The following LOC128462377 variants were observed in gnomAD, a reference collection of about 807,000 sequenced individuals.
the LOC128462377 span, among the ~76,000 whole-genome samples, chr16:89,389,207 T>C: frequency 6.6e-6 from 1 of 151,930 alleles, no homozygotes; most frequent in African/African-American, 2.4e-5. Context: ...TTACTTTTAG[T>C]AGAGATGAGG....
chr16:89,352,658 CCAA>C, the LOC128462377 span, among the ~76,000 whole-genome samples: 2 of 152,316 alleles, frequency 1.3e-5, no homozygotes, highest in Non-Finnish European at 1.5e-5. Flanking sequence ...CTCATCAGCA[CCAA>C]AGTGTTCTGT....
At chr16:89,339,355 G>GCAAACAAA in the LOC128462377 span, among the ~76,000 whole-genome samples, 84 of 152,142 alleles carry the variant, frequency 5.5e-4, no homozygotes, top group African/African-American at 1.9e-3. Context: ...GCTTACACTA[G>GCAAACAAA]CAAACAAACA....
chr16:89,415,719 T>C, the LOC128462377 span, among the ~76,000 whole-genome samples: 1 of 148,868 alleles, frequency 6.7e-6, no homozygotes, highest in South Asian at 2.1e-4. Flanking sequence ...TCCCAGCTAG[T>C]TGGGAGGCTG....
chr16:89,336,324 G>A, the LOC128462377 span, among the ~76,000 whole-genome samples: 9 of 152,254 alleles, frequency 5.9e-5, no homozygotes, highest in African/African-American at 1.4e-4. Flanking sequence ...GCACGCAACT[G>A]CCCGCACCTC....
At chr16:89,360,999 A>C in the LOC128462377 span, among the ~76,000 whole-genome samples, 1 of 152,066 alleles carries the variant, frequency 6.6e-6, no homozygotes, top group South Asian at 2.1e-4. Context: ...GATGGATCCG[A>C]TCCAACTCAC....
chr16:89,364,909 C>T, the LOC128462377 span, among the ~76,000 whole-genome samples: 1 of 152,226 alleles, frequency 6.6e-6, no homozygotes. Flanking sequence ...TCATCGAATG[C>T]TGAATACCTG....
the LOC128462377 span, among the ~76,000 whole-genome samples, chr16:89,395,061 A>T: frequency 4.7e-4 from 71 of 152,368 alleles, 1 homozygote; most frequent in East Asian, 0.013. Flanking sequence ...CAGGATTTGG[A>T]AAAACAAAGA....
At chr16:89,403,725 T>A in the LOC128462377 span, 5 of 152,158 alleles carry the variant, frequency 3.3e-5, no homozygotes, top group African/African-American at 1.2e-4. Context: ...AGGCCATAAG[T>A]TTGAGGCCAA....
At chr16:89,374,445 C>A in the LOC128462377 span, among the ~76,000 whole-genome samples, 4 of 152,148 alleles carry the variant, frequency 2.6e-5, no homozygotes, top group African/African-American at 9.7e-5. Flanking sequence ...ACTGTACATC[C>A]AGAAAAGCCT....
At chr16:89,379,601 C>G in the LOC128462377 span, among the ~76,000 whole-genome samples, 1 of 152,234 alleles carries the variant, frequency 6.6e-6, no homozygotes, top group South Asian at 2.1e-4. Context: ...GCCTCAGCCT[C>G]CTGGCTCCAA....
chr16:89,417,750 C>T, the LOC128462377 span, among the ~76,000 whole-genome samples: 1 of 152,008 alleles, frequency 6.6e-6, no homozygotes, highest in African/African-American at 2.4e-5. Flanking sequence ...ATACAGAATC[C>T]TCATCCAAGG....
chr16:89,324,489 T>A, the LOC128462377 span: 2 of 456,424 alleles, frequency 4.4e-6, no homozygotes, highest in Non-Finnish European at 8.8e-6. Flanking sequence ...GATGTGTAAC[T>A]GTTCCTGGGA....
the LOC128462377 span, among the ~76,000 whole-genome samples, chr16:89,415,124 T>A: frequency 6.6e-6 from 1 of 151,936 alleles, no homozygotes; most frequent in East Asian, 1.9e-4. Context: ...TGGCTCATTT[T>A]TTTATTTTTT....
At chr16:89,369,623 G>A in the LOC128462377 span, among the ~76,000 whole-genome samples, 9 of 152,282 alleles carry the variant, frequency 5.9e-5, no homozygotes, top group South Asian at 6.2e-4. Flanking sequence ...GAGGGGGTGC[G>A]GTCACAGAAG....
the LOC128462377 span, among the ~76,000 whole-genome samples, chr16:89,388,226 G>A: frequency 1.3e-5 from 2 of 150,224 alleles, no homozygotes; most frequent in Non-Finnish European, 3.0e-5. Flanking sequence ...ACCTGACTCC[G>A]ACGCAATCAC....
At chr16:89,317,128 C>T in the LOC128462377 span, 6 of 1,170,700 alleles carry the variant, frequency 5.1e-6, no homozygotes, top group South Asian at 2.6e-5. Context: ...CAGCTCAAAA[C>T]TCATCCACTC....
chr16:89,345,617 AG>A, the LOC128462377 span, among the ~76,000 whole-genome samples: 1 of 152,272 alleles, frequency 6.6e-6, no homozygotes. Context: ...AAACAGGCTA[AG>A]GGAAAAAAGT....
chr16:89,370,508 A>G, the LOC128462377 span, among the ~76,000 whole-genome samples: 2 of 152,164 alleles, frequency 1.3e-5, no homozygotes, highest in Non-Finnish European at 2.9e-5. Flanking sequence ...CCAACCAAGC[A>G]AAGAGAAGAC....
At chr16:89,354,970 C>G in the LOC128462377 span, among the ~76,000 whole-genome samples, 1 of 152,192 alleles carries the variant, frequency 6.6e-6, no homozygotes, top group African/African-American at 2.4e-5. Context: ...GTGAGGGCAA[C>G]AGACTTTCCA....
Sources: allele counts gnomAD v4.1 joint callset (sites outside exome capture counted in the v4.1 genomes callset), GRCh38; gene constraint gnomAD v4.1.1; transcripts MANE v1.5.